The following DRAXIN variants were observed in gnomAD, a reference collection of about 807,000 sequenced individuals.
DRAXIN encodes the protein dorsal inhibitory axon guidance protein.
In DRAXIN, 27 loss-of-function variants were observed where a neutral mutation model predicts 33.9. The observed-to-expected ratio is 0.80, with a 90% CI of 0.59 to 1.10. The LOEUF (loss-of-function observed/expected upper bound fraction) is 1.10. Ranked by LOEUF, DRAXIN falls within the 50% of genes least tolerant of loss-of-function variation. The pLI, the probability that DRAXIN is intolerant of heterozygous loss-of-function variation, is 0.00. For missense variants in DRAXIN, 371 were observed against 460.8 expected (o/e 0.81, Z 1.78); for synonymous variants, 178 against 194.0 (o/e 0.92, Z 0.69).
chr1:11,697,395 C>T (rs771229226), intron 1 of DRAXIN, among the ~76,000 whole-genome samples: 2 of 152,234 alleles, frequency 1.3e-5, no homozygotes, highest in Non-Finnish European at 2.9e-5. Flanking sequence ...AGAGTTGTGC[C>T]TCTCCTATCA....
upstream of DRAXIN, chr1:11,691,508 G>A (rs1206701277): frequency 6.6e-6 from 1 of 151,898 alleles, no homozygotes; most frequent in African/African-American, 2.4e-5. Flanking sequence ...CCCTCGCGGC[G>A]GCGGCGCCTA....
chr1:11,688,664 T>C (rs1641006003), upstream of DRAXIN, among the ~76,000 whole-genome samples: 2 of 152,206 alleles, frequency 1.3e-5, no homozygotes, highest in Admixed American at 6.5e-5. The surrounding 1 kb of genome is among the most constrained non-coding windows in gnomAD (Gnocchi z 4.6). Flanking sequence ...GTCCTCCCTG[T>C]GGCCTTTGCA....
At chr1:11,698,347 T>G (rs1407119942) in intron 1 of DRAXIN, among the ~76,000 whole-genome samples, 4 of 152,114 alleles carry the variant, frequency 2.6e-5, no homozygotes, top group Non-Finnish European at 5.9e-5. Context: ...GGGTGTCAGC[T>G]CCACCTAAAC....
upstream of DRAXIN, among the ~76,000 whole-genome samples, chr1:11,687,949 A>T (rs1043473816): frequency 6.6e-6 from 1 of 152,196 alleles, no homozygotes; most frequent in African/African-American, 2.4e-5. This position sits in a 1 kb window ranked among gnomAD's most constrained non-coding sequence, Gnocchi z 4.1. Context: ...AAGTCATCAT[A>T]AACTGGATGG....
intron 3 of DRAXIN, among the ~76,000 whole-genome samples, chr1:11,710,207 G>A (rs1010962142): frequency 1.4e-5 from 2 of 146,092 alleles, no homozygotes; most frequent in Admixed American, 6.9e-5. Context: ...AAAAAGAAAT[G>A]TGGGGCGGGC....
intron 1 of DRAXIN, among the ~76,000 whole-genome samples, chr1:11,699,305 G>A (rs1465301668): frequency 6.6e-6 from 1 of 151,856 alleles, no homozygotes; most frequent in Non-Finnish European, 1.5e-5. Context: ...TGTTTTATAA[G>A]CAGTGTAGCA....
chr1:11,718,315 CAA>C (rs759545157), intron 6 of DRAXIN, among the ~76,000 whole-genome samples: 153 of 93,880 alleles, frequency 1.6e-3, no homozygotes, highest in Non-Finnish European at 1.9e-3. Flanking sequence ...AACTCCATCT[CAA>C]AAAAAAAAAA....
chr1:11,697,058 AAC>A (rs1480903129), intron 1 of DRAXIN, among the ~76,000 whole-genome samples: 13 of 147,646 alleles, frequency 8.8e-5, no homozygotes, highest in East Asian at 2.1e-4. Flanking sequence ...AAAAAAAAAA[AAC>A]AACTTTTACT....
chr1:11,718,315 CAAAAAAAAA>C (rs759545157), intron 6 of DRAXIN, among the ~76,000 whole-genome samples: 4 of 93,920 alleles, frequency 4.3e-5, no homozygotes, highest in African/African-American at 1.8e-4. Context: ...AACTCCATCT[CAAAAAAAAA>C]AAAAAAAAAA....
intron 1 of DRAXIN, among the ~76,000 whole-genome samples, chr1:11,702,876 G>A (rs554799121): frequency 6.6e-6 from 1 of 152,148 alleles, no homozygotes; most frequent in South Asian, 2.1e-4. Context: ...CTGAGTAGTT[G>A]GGATTACAGG....
At chr1:11,710,434 G>A (rs1301076685) in intron 3 of DRAXIN, among the ~76,000 whole-genome samples, 1 of 152,028 alleles carries the variant, frequency 6.6e-6, no homozygotes, top group South Asian at 2.1e-4. Context: ...GGTCAGGGCT[G>A]CAGTGAGCCA....
chr1:11,702,136 C>T (rs185752658), intron 1 of DRAXIN, among the ~76,000 whole-genome samples: 5 of 150,526 alleles, frequency 3.3e-5, no homozygotes, highest in Admixed American at 6.6e-5. Context: ...CACACTCATA[C>T]GTACACGCCC....
At chr1:11,709,796 T>A (rs938608416) in intron 3 of DRAXIN, among the ~76,000 whole-genome samples, 3 of 152,194 alleles carry the variant, frequency 2.0e-5, no homozygotes, top group African/African-American at 7.2e-5. Context: ...CAGAGGAGCA[T>A]GAAGCATAAT....
rs977555114 is a variant in DRAXIN at position 11,706,176 on chromosome 1, C to T, written c.-10-73C>T. ...TCTATGGCTGTTGAGAAAAACTGGGCTTTAATCATTTGAGTGAGGGGCAGC... is the reference window on the plus strand; with the variant it reads ...TCTATGGCTGTTGAGAAAAACTGGGTTTTAATCATTTGAGTGAGGGGCAGC... On this transcript the variant is annotated intron_variant, in intron 1 of 6. Transcript: ENST00000294485. The surrounding 1 kb of genome is among the most constrained non-coding windows in gnomAD (Gnocchi z 5.5). 13 of 1,366,404 alleles carry T rather than the reference C, an allele frequency of 9.5e-6. No homozygotes were observed. Among genetic ancestry groups the T allele is most frequent in the African/African-American group, 2.9e-5 (2 of 68,096 alleles). The allele number at this position is 1,366,404 out of a possible 1,614,324, so 84.6% of individuals were successfully genotyped here. A position where few individuals can be genotyped will look rare whatever the true frequency, so the allele number is the denominator to read the frequency against.
intron 3 of DRAXIN, among the ~76,000 whole-genome samples, chr1:11,710,129 G>A (rs56182507): frequency 0.048 from 7,236 of 150,116 alleles, 243 homozygotes; most frequent in South Asian, 0.088. Context: ...AGGCTGTAGC[G>A]TGTCAAGATC....
intron 1 of DRAXIN, among the ~76,000 whole-genome samples, chr1:11,702,231 A>G (rs1289230150): frequency 2.0e-5 from 3 of 148,476 alleles, no homozygotes; most frequent in Non-Finnish European, 3.0e-5. Flanking sequence ...TATGCTCACA[A>G]CACATACACG....
chr1:11,700,523 C>T (rs904657208), intron 1 of DRAXIN, among the ~76,000 whole-genome samples: 3 of 152,260 alleles, frequency 2.0e-5, no homozygotes, highest in Non-Finnish European at 4.4e-5. Flanking sequence ...AGAATGTATT[C>T]GAGAGTGTCT....
Position 11,704,182 on chromosome 1 carries a change from T to C in DRAXIN, c.-10-2067T>C, listed in dbSNP as rs1450721612. 2.0e-5 allele frequency among the ~76,000 whole-genome samples: 3 copies of C among 152,072 alleles called. No individual in the cohort carries two copies. Among genetic ancestry groups the C allele is most frequent in the Non-Finnish European group, 4.4e-5 (3 of 67,996 alleles). ...AAGGAGGAGGTGGTGATTCCTTTCA[T>C]TGGCCAACGTCCCGAGGTTTCCCTG... On this transcript the variant is annotated intron_variant, in intron 1 of 6. Coordinates refer to ENST00000294485, the MANE Select transcript of DRAXIN (RefSeq NM_198545.4). This position sits in a 1 kb window ranked among gnomAD's most constrained non-coding sequence, Gnocchi z 4.6.
intron 5 of DRAXIN, 96 bp from the exon 6 acceptor site, chr1:11,715,023 A>C: frequency 1.4e-6 from 2 of 1,450,474 alleles, no homozygotes; most frequent in Non-Finnish European, 1.9e-6. Flanking sequence ...GGCCTGCCAC[A>C]GAGATGATGG....
Sources: gnomAD v4.1 joint callset for allele counts (sites outside exome capture counted in the v4.1 genomes callset) on GRCh38, gnomAD v4.1.1 for gene constraint, Gnocchi (gnomAD v3.1) non-coding constraint, MANE v1.5 for transcripts, NCBI Gene and HGNC (gene_info 2026-07-23, HGNC 2026-07-21) for gene names.